Variants in SETX observed in about 807,000 individuals in gnomAD.
SETX encodes senataxin, also known as helicase senataxin.
In SETX, 90 loss-of-function variants were observed where a neutral mutation model predicts 227.2. That is an observed-to-expected ratio of 0.40 (90% confidence interval 0.33 to 0.47). SETX has a LOEUF of 0.47. Among genes scored for constraint, SETX ranks in the 20% least tolerant of loss-of-function variants. The pLI is 0.91. For missense variants in SETX, 3,052 were observed against 3,181.5 expected (o/e 0.96, Z 0.98); for synonymous variants, 1,210 against 1,113.2 (o/e 1.09, Z -1.73).
chr9:132,305,410 A>T (rs35674421), intron 11 of SETX, among the ~76,000 whole-genome samples: 18,111 of 151,134 alleles, frequency 0.12, 1,191 homozygotes, highest in Non-Finnish European at 0.14. Flanking sequence ...AAAAAAATTT[A>T]AAAAAAATTT....
intron 11 of SETX, among the ~76,000 whole-genome samples, chr9:132,308,404 C>T (rs1403644760): frequency 1.7e-5 from 2 of 114,736 alleles, no homozygotes; most frequent in African/African-American, 1.2e-4. Context: ...CCATGATTAA[C>T]TCTATAAAAC....
chr9:132,320,479 A>G (rs1001187157), intron 10 of SETX, among the ~76,000 whole-genome samples: 8 of 150,880 alleles, frequency 5.3e-5, no homozygotes. Context: ...CTGTAATCCC[A>G]GCTACTCGGG....
Position 132,286,467 on chromosome 9 carries a change from T to C in SETX, c.6352A>G (p.Lys2118Glu), listed in dbSNP as rs1203695979. 5.0e-6 allele frequency: 8 copies of C among 1,613,760 alleles called. No homozygotes were observed. Among genetic ancestry groups the C allele is most frequent in the Non-Finnish European group, 5.9e-6 (7 of 1,179,798 alleles). ...AGTTCCTGCCTTTCCTTAGAAACTTTGGAAATGTTTTCATCTAATTCTTGC... is the reference window on the plus strand; with the variant it reads ...AGTTCCTGCCTTTCCTTAGAAACTTCGGAAATGTTTTCATCTAATTCTTGC... ...QRQELDENISKVSKERQELAS... is the reference protein window; with the variant it reads ...QRQELDENISEVSKERQELAS... The change falls in exon 18 of 26, where the codon AAA becomes GAA. Residue 2118 changes from lysine (K) to glutamate (E), a missense_variant. Transcript: ENST00000224140.
At position 132,311,727 on chromosome 9, in the gene SETX, A is replaced by G. The variant is rs199524150; in HGVS notation, c.5374+30T>C. On this transcript the variant is annotated intron_variant, in intron 11 of 25. Coordinates refer to ENST00000224140, the MANE Select transcript of SETX (RefSeq NM_015046.7). Reference sequence around the variant, plus strand: ...TAGAAATCTCCAATTATTATATCATATATTCCAAGTTGCGTAAGAAAAAAC... The same window carrying G: ...TAGAAATCTCCAATTATTATATCATGTATTCCAAGTTGCGTAAGAAAAAAC... The G allele has an allele frequency of 6.4e-6, 9 of 1,406,978 alleles. No individual in the cohort carries two copies. The African/African-American group carries it at 9.9e-5, about 15-fold the overall frequency. 87.2% of individuals were successfully genotyped at this position (1,406,978 alleles called of 1,614,324 possible). A position where few individuals can be genotyped will look rare whatever the true frequency, so the allele number is the denominator to read the frequency against.
intron 10 of SETX, among the ~76,000 whole-genome samples, chr9:132,323,029 G>C (rs957160720): frequency 1.9e-4 from 29 of 152,014 alleles, no homozygotes; most frequent in African/African-American, 6.5e-4. Flanking sequence ...AAAAATTAAA[G>C]AAAATGAGAA....
At position 132,281,315 on chromosome 9, in the gene SETX, A is replaced by T. The variant is rs3736998; in HGVS notation, c.6654+152T>A. The T allele has an allele frequency of 0.16, 102,403 of 632,180 alleles. 11,154 individuals carry two copies. Among genetic ancestry groups the T allele is most frequent in the East Asian group, 0.46 (16,088 of 34,858 alleles). The allele number at this position is 632,180 out of a possible 1,614,324, so 39.2% of individuals were successfully genotyped here. A position where few individuals can be genotyped will look rare whatever the true frequency, so the allele number is the denominator to read the frequency against. On this transcript the variant is annotated intron_variant, in intron 20 of 25. Coordinates refer to ENST00000224140, the MANE Select transcript of SETX (RefSeq NM_015046.7). ...AAATGGACATTTTTAGGCATTTTTT[A>T]AAATTTATTAAGTGCTTCTCTTTTC...
chr9:132,331,289 T>C lies in SETX; in HGVS notation c.998A>G (p.Asn333Ser), dbSNP rs538829833. 3.8e-5 allele frequency: 61 copies of C among 1,614,138 alleles called. No individual in the cohort carries two copies. In the East Asian group the frequency reaches 6.2e-4, roughly 17 times the overall value. Reference sequence around the variant, plus strand: ...TAGCTGAACTAACCTTACAGAGCTGTTCCGTATATGTCGGATCTCTCTATT... The same window carrying C: ...TAGCTGAACTAACCTTACAGAGCTGCTCCGTATATGTCGGATCTCTCTATT... ...SYNREIRHIRNSSVRTKLEPE... is the reference protein window; with the variant it reads ...SYNREIRHIRSSSVRTKLEPE... Residue 333 changes from asparagine to serine, a missense_variant, in exon 8 of 26, where the codon AAC becomes AGC. Coordinates refer to ENST00000224140, the MANE Select transcript of SETX (RefSeq NM_015046.7).
At chr9:132,323,486 G>A (rs1846500212) in intron 10 of SETX, among the ~76,000 whole-genome samples, 1 of 152,152 alleles carries the variant, frequency 6.6e-6, no homozygotes, top group Non-Finnish European at 1.5e-5. Context: ...TAATGAGGGT[G>A]AGGGAACAGG....
Position 132,328,854 on chromosome 9 carries a change from T to C in SETX, c.2744A>G (p.Asp915Gly). ...ASEKKSSPFK[D>G]LMTVPESRDE... ...TCTTGATTCAGGTACAGTCATAAGA[T>C]CTTTAAAGGGAGATGATTTCTTCTC... Residue 915 changes from aspartate to glycine, a missense_variant, in exon 10 of 26, where the codon GAT becomes GGT. Asp to Gly is a moderately conservative substitution (Grantham distance 94). Around this residue, in one of 10 missense-constraint regions of SETX, gnomAD observed 1,483 missense variants for 1,312.0 expected, o/e 1.13. Transcript: ENST00000224140. 3 of 1,613,972 alleles carry C rather than the reference T, an allele frequency of 1.9e-6. No individual in the cohort carries two copies. The highest frequency in any genetic ancestry group is 2.5e-6 in the Non-Finnish European group (3 of 1,179,950).
intron 2 of SETX, 135 bp downstream of exon 2, chr9:132,353,514 G>T (rs113077071): frequency 6.6e-6 from 1 of 151,994 alleles, no homozygotes; most frequent in Non-Finnish European, 1.5e-5. Context: ...CTGGGGGGGG[G>T]GCCTGTCCGA....
rs368269464 is a variant in SETX, at chr9:132,264,613, A to G, written c.7660T>C (p.Phe2554Leu). The G allele has an allele frequency of 8.7e-6, 14 of 1,614,164 alleles. No individual in the cohort carries two copies. In the East Asian group the frequency reaches 8.9e-5, roughly 10 times the overall value. ...RMGIEVKGGI[F>L]LWDPQPSSPQ... ...CTCGAGGGTTGTGGATCCCAAAGGA[A>G]TATTCCTCCTTTGACCTCAATGCCC... is the stretch of plus-strand genomic sequence containing the variant. The change falls in exon 26 of 26, where the codon TTC becomes CTC. Residue 2554 changes from phenylalanine (F) to leucine (L), a missense_variant. Physicochemically the swap from Phe to Leu is conservative, Grantham distance 22. Coordinates refer to ENST00000224140, the MANE Select transcript of SETX (RefSeq NM_015046.7).
chr9:132,281,067 G>A (rs145093769), intron 20 of SETX, among the ~76,000 whole-genome samples: 284 of 152,292 alleles, frequency 1.9e-3, no homozygotes, highest in African/African-American at 6.5e-3. Context: ...CAAAAATGAG[G>A]AGGGTAGGAT....
chr9:132,319,519 T>G (rs1246965597), intron 10 of SETX, among the ~76,000 whole-genome samples: 4 of 152,200 alleles, frequency 2.6e-5, no homozygotes, highest in Non-Finnish European at 4.4e-5. Context: ...CCTTATCAGC[T>G]ACTTCACTTC....
chr9:132,290,574 CAAAAA>C lies in SETX; in HGVS notation c.6107-1928_6107-1924del, dbSNP rs59954158. On this transcript the variant is annotated intron_variant, in intron 15 of 25. Transcript: ENST00000224140. ...TGGGAGACAGAGCGAGACTCCGTCT[CAAAAA>C]AAAAAAAAAAAAAAAAAAAAAATTC... 5.5e-3 allele frequency among the ~76,000 whole-genome samples: 245 copies of C among 44,720 alleles called. 3 individuals are homozygous for C. Among genetic ancestry groups the C allele is most frequent in the African/African-American group, 0.013 (226 of 17,258 alleles). 29.3% of individuals were successfully genotyped at this position (44,720 alleles called of 152,430 possible). A position where few individuals can be genotyped will look rare whatever the true frequency, so the allele number is the denominator to read the frequency against.
chr9:132,326,848 A>G lies in SETX; in HGVS notation c.4750T>C (p.Leu1584=). The change falls in exon 10 of 26, where the codon TTG becomes CTG. Residue 1584 remains leucine, a synonymous_variant. Coordinates refer to ENST00000224140, the MANE Select transcript of SETX (RefSeq NM_015046.7). ...ADEDVFRKPG[L]PPPASKPLRP... is the part of the protein sequence containing the mutation. ...AAAGGTTTAGATGCAGGAGGAGGCA[A>G]GCCAGGTTTACGAAATACATCTTCA... The G allele has an allele frequency of 1.2e-6, 2 of 1,614,224 alleles. No individual in the cohort carries two copies. Among genetic ancestry groups the G allele is most frequent in the Admixed American group, 1.7e-5 (1 of 60,032 alleles).
rs1227727815 is a variant in SETX at position 132,286,415 on chromosome 9, C to CTACT, written c.6396+4_6396+7dup. ...AAATCAAGAAAATGCTACAGGTGAA[C>CTACT]TACTTACCTCTTTAATTTTAGAAGC... On this transcript the variant is annotated splice_region_variant and intron_variant, in intron 18 of 25. Coordinates refer to ENST00000224140, the MANE Select transcript of SETX (RefSeq NM_015046.7). 2 of 1,596,166 alleles carry CTACT rather than the reference C, an allele frequency of 1.3e-6. No homozygotes were observed. The highest frequency in any genetic ancestry group is 2.7e-5 in the African/African-American group (2 of 74,330).
At chr9:132,342,854 C>T in intron 4 of SETX, 55 bp from the exon 5 acceptor site, 2 of 1,292,012 alleles carry the variant, frequency 1.5e-6, no homozygotes, top group South Asian at 1.2e-5. Flanking sequence ...ATCAAGATTC[C>T]CTAAATTAGG....
intron 18 of SETX, among the ~76,000 whole-genome samples, chr9:132,286,091 G>A (rs1843864999): frequency 6.6e-6 from 1 of 151,050 alleles, no homozygotes; most frequent in Non-Finnish European, 1.5e-5. Context: ...GCTGAGGCAG[G>A]AGAATCGCTT....
chr9:132,354,492 T>A (rs1589801481), intron 1 of SETX, among the ~76,000 whole-genome samples: 3 of 62,034 alleles, frequency 4.8e-5, no homozygotes, highest in Admixed American at 2.3e-4. Flanking sequence ...CGAGACCCCG[T>A]CTCAAAAAAA....
Sources: allele counts gnomAD v4.1 joint callset (sites outside exome capture counted in the v4.1 genomes callset), GRCh38; gene constraint gnomAD v4.1.1; regional missense constraint gnomAD v4.1.1; transcripts MANE v1.5; gene names NCBI Gene and HGNC (gene_info 2026-07-23, HGNC 2026-07-21).